TENM1: variants seen among roughly 807,000 people sequenced by gnomAD.
TENM1 encodes the protein teneurin transmembrane protein 1, also known as teneurin-1.
A neutral mutation model predicts 174.8 loss-of-function variants in TENM1; 35 were observed. That is an observed-to-expected ratio of 0.20 (90% CI 0.15 to 0.27). The LOEUF (loss-of-function observed/expected upper bound fraction) is 0.27, where lower values mean the gene tolerates loss of function less well. TENM1 is among the 10% of genes least tolerant of loss of function. The probability of loss-of-function intolerance (pLI) is 1.00; values close to 1 mark genes in which losing one functional copy is unlikely to be tolerated. For synonymous variants in TENM1, 781 were observed against 798.7 expected (o/e 0.98, Z 0.37); for missense variants, 1,633 against 2,130.1 (o/e 0.77, Z 4.59).
intron 23 of TENM1, among the ~76,000 whole-genome samples, chrX:124,445,230 AAAGG>A (rs2060953605): frequency 8.9e-6 from 1 of 111,822 alleles, no homozygotes; most frequent in Admixed American, 9.5e-5. Flanking sequence ...GGTGAAAGTT[AAAGG>A]AAGACAAAAA....
chrX:124,814,370 G>A (rs73547637), intron 3 of TENM1, among the ~76,000 whole-genome samples: 8,388 of 110,860 alleles, frequency 0.076, 452 homozygotes, highest in African/African-American at 0.2. Context: ...TTATTAACAT[G>A]GCTTATTCAC....
intron 3 of TENM1, among the ~76,000 whole-genome samples, chrX:124,867,867 A>G (rs942393713): frequency 1.8e-5 from 2 of 112,252 alleles, no homozygotes; most frequent in Admixed American, 1.9e-4. Flanking sequence ...TAGAAATCAC[A>G]AAGTAATCCC....
At chrX:124,789,575 C>G (rs1226118446) in intron 3 of TENM1, among the ~76,000 whole-genome samples, 2 of 111,524 alleles carry the variant, frequency 1.8e-5, no homozygotes, top group African/African-American at 6.5e-5. Context: ...TCATCTCTCT[C>G]AAGTTCAAAG....
the TENM1 span, among the ~76,000 whole-genome samples, chrX:125,092,668 G>C: frequency 2.7e-5 from 3 of 111,689 alleles, no homozygotes; most frequent in Non-Finnish European, 5.6e-5. Flanking sequence ...TATGGGTTCT[G>C]AACCAACTCC....
chrX:124,745,155 C>G (rs918316324), intron 3 of TENM1, among the ~76,000 whole-genome samples: 2 of 111,407 alleles, frequency 1.8e-5, no homozygotes, highest in Non-Finnish European at 3.8e-5. Flanking sequence ...TTCTCGTAAC[C>G]ACCGTTGTCT....
chrX:124,576,195 GAC>G (rs202018343), intron 11 of TENM1, among the ~76,000 whole-genome samples: 3,941 of 111,086 alleles, frequency 0.035, 78 homozygotes, highest in African/African-American at 0.065. Context: ...GAGTAGCTAA[GAC>G]TACAGGTACA....
chrX:124,762,047 A>G lies in TENM1; in HGVS notation c.536-24850T>C, dbSNP rs1312465945. On this transcript the variant is annotated intron_variant, in intron 3 of 31. Coordinates refer to ENST00000422452, the Ensembl canonical transcript of TENM1. ...ATTTGAAATTATTACATAAAGCCCAATATCAATCCTTTTGTGTTAAATACA... is the reference window on the plus strand; with the variant it reads ...ATTTGAAATTATTACATAAAGCCCAGTATCAATCCTTTTGTGTTAAATACA... 1.8e-5 allele frequency among the ~76,000 whole-genome samples: 2 copies of G among 112,362 alleles called. 1 individual carries two copies.
At chrX:124,475,570 C>T (rs918095893) in intron 22 of TENM1, among the ~76,000 whole-genome samples, 3 of 112,017 alleles carry the variant, frequency 2.7e-5, no homozygotes, top group African/African-American at 9.7e-5. Flanking sequence ...CAACGAACTC[C>T]TCATTGCCTA....
the TENM1 span, among the ~76,000 whole-genome samples, chrX:125,122,585 T>G: frequency 8.9e-6 from 1 of 112,082 alleles, no homozygotes; most frequent in African/African-American, 3.2e-5. Context: ...ACTGATTCAA[T>G]AACAACTTGA....
At chrX:124,664,884 A>G (rs1254578322) in intron 6 of TENM1, among the ~76,000 whole-genome samples, 1 of 111,531 alleles carries the variant, frequency 9.0e-6, no homozygotes, top group Non-Finnish European at 1.9e-5. Context: ...GGCTTTGAGA[A>G]AGGAATTTTT....
intron 5 of TENM1, among the ~76,000 whole-genome samples, chrX:124,682,316 T>A (rs914371409): frequency 3.6e-5 from 4 of 111,518 alleles, no homozygotes; most frequent in Non-Finnish European, 7.5e-5. Flanking sequence ...AGAGTACACT[T>A]TTTATAAAGG....
At chrX:125,047,574 C>T in the TENM1 span, among the ~76,000 whole-genome samples, 1 of 111,380 alleles carries the variant, frequency 9.0e-6, no homozygotes, top group Non-Finnish European at 1.9e-5. Context: ...GTAATTAAAA[C>T]TGGAGCACAT....
intron 11 of TENM1, among the ~76,000 whole-genome samples, chrX:124,609,223 G>A: frequency 9.0e-6 from 1 of 111,340 alleles, no homozygotes; most frequent in African/African-American, 3.3e-5. Flanking sequence ...ATCAAATAAG[G>A]ATATTGTGGG....
chrX:124,726,226 T>C (rs1250085879), intron 4 of TENM1, among the ~76,000 whole-genome samples: 1 of 112,441 alleles, frequency 8.9e-6, no homozygotes, highest in Non-Finnish European at 1.9e-5. Context: ...CCCTATAAAA[T>C]GAAACAAATT....
intron 3 of TENM1, among the ~76,000 whole-genome samples, chrX:124,797,761 T>C (rs1445030976): frequency 1.8e-5 from 2 of 109,970 alleles, no homozygotes; most frequent in African/African-American, 6.6e-5. Context: ...TATGTGTGCC[T>C]TGGTGGTTTT....
chrX:124,584,865 A>G (rs1317370085), intron 11 of TENM1, among the ~76,000 whole-genome samples: 1 of 110,587 alleles, frequency 9.0e-6, no homozygotes, highest in Non-Finnish European at 1.9e-5. Context: ...TGGAAAACAA[A>G]AAAAGGCAGG....
At chrX:124,895,385 C>T (rs1295678637) in intron 2 of TENM1, among the ~76,000 whole-genome samples, 1 of 111,844 alleles carries the variant, frequency 8.9e-6, no homozygotes, top group Non-Finnish European at 1.9e-5. Context: ...ACAAAATTTT[C>T]CTTTTATAAA....
At chrX:124,654,515 T>C (rs1156456151) in intron 6 of TENM1, among the ~76,000 whole-genome samples, 1 of 111,693 alleles carries the variant, frequency 9.0e-6, no homozygotes, top group African/African-American at 3.3e-5. Flanking sequence ...AGATGAGCCT[T>C]AGAGGAGGAC....
At position 124,547,554 on chromosome X, in the gene TENM1, C is replaced by T. The variant is rs189625693; in HGVS notation, c.2435-464G>A. Among the ~76,000 whole-genome samples the T allele has an allele frequency of 7.1e-5, 8 of 111,901 alleles. No individual in the cohort carries two copies. The East Asian group carries it at 2.3e-3, about 31-fold the overall frequency. On this transcript the variant is annotated intron_variant, in intron 14 of 31. Transcript: ENST00000422452. ...TAAAAAATCCTCCCAATATTGTTGT[C>T]TACTGGTAATGCTCAAAATAGAGGT...
Sources: allele counts gnomAD v4.1 joint callset (sites outside exome capture counted in the v4.1 genomes callset), GRCh38; gene constraint gnomAD v4.1.1; transcripts MANE v1.5; gene names NCBI Gene and HGNC (gene_info 2026-07-23, HGNC 2026-07-21).